The following STXBP4 variants were observed in gnomAD, a reference collection of about 807,000 sequenced individuals.
STXBP4 encodes the protein syntaxin-binding protein 4.
STXBP4 carries 55 observed loss-of-function variants against 76.1 expected under a neutral mutation model. The ratio of observed to expected loss-of-function variants is 0.72; its 90% CI spans 0.58 to 0.91. The LOEUF is 0.91. Ranked by LOEUF, STXBP4 falls within the 40% of genes least tolerant of loss-of-function variation. The probability of loss-of-function intolerance (pLI) is 0.00; values close to 1 mark genes in which losing one functional copy is unlikely to be tolerated. For missense variants in STXBP4, 618 were observed against 636.9 expected (o/e 0.97, Z 0.32); for synonymous variants, 201 against 220.2 (o/e 0.91, Z 0.77).
rs140542841 is a variant in STXBP4 at position 55,136,230 on chromosome 17, A to G, written c.1490-5080A>G. ...ATTCTTTATGCCTTTGGAAGCTGCT[A>G]TCAGTTTCATGTAATCATCTATTGG... On this transcript the variant is annotated intron_variant, in intron 16 of 17. Coordinates refer to ENST00000376352, the MANE Select transcript of STXBP4 (RefSeq NM_178509.6). 1.5e-3 allele frequency among the ~76,000 whole-genome samples: 224 copies of G among 152,234 alleles called. 1 individual carries two copies. Among genetic ancestry groups the G allele is most frequent in the African/African-American group, 5.1e-3 (210 of 41,580 alleles).
At chr17:55,112,190 T>C (rs1297601240) in intron 16 of STXBP4, among the ~76,000 whole-genome samples, 1 of 152,092 alleles carries the variant, frequency 6.6e-6, no homozygotes, top group African/African-American at 2.4e-5. Flanking sequence ...AAAGTGCTGG[T>C]ATTATAGGCA....
At chr17:55,095,035 A>G (rs554497500) in intron 16 of STXBP4, among the ~76,000 whole-genome samples, 1 of 152,194 alleles carries the variant, frequency 6.6e-6, no homozygotes, top group Non-Finnish European at 1.5e-5. Context: ...GACAAGCAAG[A>G]CTTAATTCTC....
chr17:55,110,151 G>A (rs1298732649), intron 16 of STXBP4, among the ~76,000 whole-genome samples: 1 of 152,092 alleles, frequency 6.6e-6, no homozygotes, highest in African/African-American at 2.4e-5. Flanking sequence ...AGCTAGCAGT[G>A]GTCAGTCAAG....
Position 55,167,505 on chromosome 17 carries a change from G to C in STXBP4, c.*7594G>C, listed in dbSNP as rs559025382. 3 of 152,304 alleles carry C rather than the reference G, an allele frequency of 2.0e-5. No individual in the cohort carries two copies. The highest frequency in any genetic ancestry group is 7.2e-5 in the African/African-American group (3 of 41,566). The allele number at this position is 152,304 out of a possible 1,614,324, so 9.4% of individuals were successfully genotyped here. On this transcript the variant is annotated 3_prime_UTR_variant, in exon 18 of 18. Coordinates refer to ENST00000376352, the MANE Select transcript of STXBP4 (RefSeq NM_178509.6). ...GAAGAAGGAAGTGTATGCTACTTAA[G>C]TTGGGCCATAAAACTCACAGTATGA...
intron 16 of STXBP4, among the ~76,000 whole-genome samples, chr17:55,088,027 T>C (rs992596419): frequency 1.3e-5 from 2 of 152,208 alleles, no homozygotes; most frequent in African/African-American, 4.8e-5. Flanking sequence ...CAAATCTATG[T>C]TGTCCTTTTA....
At chr17:55,153,077 G>C (rs1350088886) in intron 17 of STXBP4, among the ~76,000 whole-genome samples, 1 of 152,078 alleles carries the variant, frequency 6.6e-6, no homozygotes, top group Non-Finnish European at 1.5e-5. Context: ...ACATGCACTA[G>C]TTTCATGACC....
the STXBP4 span, among the ~76,000 whole-genome samples, chr17:55,194,161 G>A: frequency 2.0e-5 from 3 of 152,078 alleles, no homozygotes; most frequent in South Asian, 6.2e-4. Context: ...GTACAGAATG[G>A]ACAGAAAAAG....
At chr17:55,049,408 CA>C (rs1210990769) in intron 12 of STXBP4, among the ~76,000 whole-genome samples, 1 of 151,190 alleles carries the variant, frequency 6.6e-6, no homozygotes, top group African/African-American at 2.4e-5. Context: ...TAACAAAAGT[CA>C]AAAGATGCAA....
chr17:55,199,731 G>A, the STXBP4 span, among the ~76,000 whole-genome samples: 1 of 152,206 alleles, frequency 6.6e-6, no homozygotes, highest in Non-Finnish European at 1.5e-5. Context: ...AATAACCCAA[G>A]ATGAAATTTT....
intron 1 of STXBP4, among the ~76,000 whole-genome samples, chr17:54,980,372 T>C (rs1387523567): frequency 1.3e-5 from 2 of 152,160 alleles, no homozygotes; most frequent in Non-Finnish European, 2.9e-5. Flanking sequence ...CAGTGCAGGG[T>C]CTTGACTACA....
intron 10 of STXBP4, among the ~76,000 whole-genome samples, chr17:55,037,794 C>T (rs1048226750): frequency 2.0e-5 from 3 of 152,146 alleles, no homozygotes; most frequent in East Asian, 1.9e-4. Context: ...TTAATATTCA[C>T]TTGTATTTCA....
intron 10 of STXBP4, among the ~76,000 whole-genome samples, chr17:55,040,516 G>A (rs1362505121): frequency 6.6e-6 from 1 of 152,122 alleles, no homozygotes; most frequent in Non-Finnish European, 1.5e-5. Flanking sequence ...AAAATGAATT[G>A]AGATTAGGGA....
intron 1 of STXBP4, among the ~76,000 whole-genome samples, chr17:54,984,860 T>C (rs2077604948): frequency 6.6e-6 from 1 of 152,032 alleles, no homozygotes; most frequent in African/African-American, 2.4e-5. Flanking sequence ...AATTTCAGCT[T>C]CTTCACCCCT....
intron 16 of STXBP4, among the ~76,000 whole-genome samples, chr17:55,119,491 C>T (rs2079819717): frequency 6.6e-6 from 1 of 151,874 alleles, no homozygotes; most frequent in Non-Finnish European, 1.5e-5. Context: ...AAAGAAACCC[C>T]ATCTGGAAAT....
rs1382857167 is a variant in STXBP4, at chr17:55,047,033, T to C, written c.946-56T>C. On this transcript the variant is annotated intron_variant, in intron 11 of 17. Coordinates refer to ENST00000376352, the MANE Select transcript of STXBP4 (RefSeq NM_178509.6). ...GGCCTTGAAACAAGGGACTAAGAAG[T>C]CACACTTGTTAATACTTTCATAACA... 10 of 1,051,578 alleles carry C rather than the reference T, an allele frequency of 9.5e-6. No individual in the cohort carries two copies. The Admixed American group carries it at 1.8e-4, about 19-fold the overall frequency. 65.1% of individuals were successfully genotyped at this position (1,051,578 alleles called of 1,614,324 possible).
chr17:55,078,743 A>T lies in STXBP4; in HGVS notation c.1355+8A>T, dbSNP rs1250998561. On this transcript the variant is annotated splice_region_variant and intron_variant, in intron 15 of 17. Coordinates refer to ENST00000376352, the MANE Select transcript of STXBP4 (RefSeq NM_178509.6). ...TCCTTTATCAAATTTAAGGTAAGAA[A>T]ATTTAAGTGCTTTTTGCAGAATATG... The T allele has an allele frequency of 2.7e-6, 4 of 1,471,028 alleles. No homozygotes were observed. The South Asian group carries it at 4.6e-5, about 17-fold the overall frequency. The allele number at this position is 1,471,028 out of a possible 1,614,324, so 91.1% of individuals were successfully genotyped here. A position where few individuals can be genotyped will look rare whatever the true frequency, so the allele number is the denominator to read the frequency against.
At chr17:55,157,118 C>A (rs529818979) in intron 17 of STXBP4, among the ~76,000 whole-genome samples, 1 of 152,194 alleles carries the variant, frequency 6.6e-6, no homozygotes, top group Non-Finnish European at 1.5e-5. Flanking sequence ...TCCTTCCCAT[C>A]TCCTCCAATT....
chr17:55,211,435 G>A, the STXBP4 span, among the ~76,000 whole-genome samples: 1 of 152,028 alleles, frequency 6.6e-6, no homozygotes, highest in Non-Finnish European at 1.5e-5. Context: ...ACTCTCACTT[G>A]AATTTTTCAA....
chr17:55,048,820 G>T (rs2078823645), intron 12 of STXBP4, among the ~76,000 whole-genome samples: 1 of 151,654 alleles, frequency 6.6e-6, no homozygotes, highest in South Asian at 2.1e-4. Flanking sequence ...GTTTCTTAAA[G>T]AAATCAATCA....
Sources: gnomAD v4.1 joint callset for allele counts (sites outside exome capture counted in the v4.1 genomes callset) on GRCh38, gnomAD v4.1.1 for gene constraint, MANE v1.5 for transcripts, NCBI Gene and HGNC (gene_info 2026-07-23, HGNC 2026-07-21) for gene names.